Variants in CCSER1 observed in about 807,000 individuals in gnomAD.
CCSER1 encodes the protein serine-rich coiled-coil domain-containing protein 1.
CCSER1 carries 41 observed loss-of-function variants against 82.0 expected under a neutral mutation model. The observed-to-expected ratio is 0.50, with a 90% CI of 0.39 to 0.65. The LOEUF (loss-of-function observed/expected upper bound fraction) is 0.65. Ranked by LOEUF, CCSER1 falls within the 30% of genes least tolerant of loss-of-function variation. CCSER1 has a pLI of 0.00. For missense variants in CCSER1, 1,119 were observed against 1,064.2 expected, an observed-to-expected ratio of 1.05 and a Z score of -0.72; for synonymous variants, 414 against 383.9, an observed-to-expected ratio of 1.08 and a Z score of -0.92.
At chr4:91,117,187 A>G (rs1726691663) in intron 10 of CCSER1, among the ~76,000 whole-genome samples, 1 of 152,238 alleles carries the variant, frequency 6.6e-6, no homozygotes, top group African/African-American at 2.4e-5. Flanking sequence ...ATCCATTTAT[A>G]TATGTAAACC....
At chr4:90,131,220 C>T (rs1320192936) in intron 1 of CCSER1, among the ~76,000 whole-genome samples, 2 of 152,148 alleles carry the variant, frequency 1.3e-5, no homozygotes, top group African/African-American at 4.8e-5. Flanking sequence ...AGGCTGGTCT[C>T]GAACTCCGGA....
chr4:90,716,779 A>G (rs1445663271), intron 6 of CCSER1, among the ~76,000 whole-genome samples: 1 of 152,090 alleles, frequency 6.6e-6, no homozygotes, highest in Non-Finnish European at 1.5e-5. Context: ...ATGTTTGCAC[A>G]GTGACAAAAG....
At chr4:90,365,922 T>G (rs1266295598) in intron 3 of CCSER1, among the ~76,000 whole-genome samples, 1 of 151,922 alleles carries the variant, frequency 6.6e-6, no homozygotes, top group Admixed American at 6.6e-5. Context: ...TATTGTAAAA[T>G]TAATAGTATA....
At chr4:90,776,262 T>G (rs1752877813) in intron 7 of CCSER1, among the ~76,000 whole-genome samples, 1 of 152,170 alleles carries the variant, frequency 6.6e-6, no homozygotes, top group African/African-American at 2.4e-5. Context: ...CTTTTTGTTT[T>G]GACAAAGCAG....
chr4:90,720,289 G>GA (rs199943099), intron 6 of CCSER1, among the ~76,000 whole-genome samples: 43 of 122,440 alleles, frequency 3.5e-4, no homozygotes, highest in Middle Eastern at 4.2e-3. Context: ...TTGTTTTTTA[G>GA]AAAAAAAAAA....
chr4:90,469,541 A>G (rs924561177), intron 5 of CCSER1, among the ~76,000 whole-genome samples: 1 of 151,188 alleles, frequency 6.6e-6, no homozygotes, highest in Non-Finnish European at 1.5e-5. Flanking sequence ...ACACACACAC[A>G]CACACACACA....
chr4:91,007,044 T>G (rs1438493809), intron 9 of CCSER1, among the ~76,000 whole-genome samples: 2 of 152,370 alleles, frequency 1.3e-5, no homozygotes, highest in East Asian at 3.9e-4. Flanking sequence ...GTATGTTTTT[T>G]GTCCTTTATT....
intron 1 of CCSER1, among the ~76,000 whole-genome samples, chr4:90,187,358 AT>A (rs67308500): frequency 0.056 from 7,344 of 130,360 alleles, 283 homozygotes; most frequent in East Asian, 0.21. Context: ...TACAGTAGCT[AT>A]TTTTTTTTTT....
At chr4:91,019,921 A>G (rs113723564) in intron 9 of CCSER1, among the ~76,000 whole-genome samples, 3 of 152,194 alleles carry the variant, frequency 2.0e-5, no homozygotes, top group African/African-American at 7.2e-5. Context: ...GTGTACAAAT[A>G]TGCTATATTA....
chr4:91,033,996 G>A (rs984187737), intron 9 of CCSER1, among the ~76,000 whole-genome samples: 2 of 152,104 alleles, frequency 1.3e-5, no homozygotes, highest in African/African-American at 4.8e-5. Flanking sequence ...CCATCAAAGA[G>A]GAAGCACCCT....
At chr4:91,356,651 C>T (rs1160164265) in intron 10 of CCSER1, among the ~76,000 whole-genome samples, 1 of 152,168 alleles carries the variant, frequency 6.6e-6, no homozygotes, top group East Asian at 1.9e-4. Flanking sequence ...CACCACAATA[C>T]CACCACAAAT....
At chr4:90,836,082 A>G (rs28584338) in intron 8 of CCSER1, among the ~76,000 whole-genome samples, 80,458 of 151,876 alleles carry the variant, frequency 0.53, 21,479 homozygotes, top group African/African-American at 0.57. Flanking sequence ...GTTCAGACCT[A>G]GCATGAGATT....
At chr4:91,593,819 G>T (rs1262568409) in intron 10 of CCSER1, among the ~76,000 whole-genome samples, 1 of 151,842 alleles carries the variant, frequency 6.6e-6, no homozygotes, top group Non-Finnish European at 1.5e-5. Flanking sequence ...AAGTGAATGT[G>T]GTTTATTTGT....
rs1209650352 is a variant in CCSER1, at chr4:90,401,786, C to G, written c.1603+1657C>G. Among the ~76,000 whole-genome samples, 8 of 152,270 alleles carry G rather than the reference C, an allele frequency of 5.3e-5. No individual in the cohort carries two copies. The East Asian group carries it at 1.5e-3, about 29-fold the overall frequency. Reference sequence around the variant, plus strand: ...TCAAAAGATCCACTTGCCTCCGTCTCCCAAAGTGCAGGGATTACAAGTTTG... The same window carrying G: ...TCAAAAGATCCACTTGCCTCCGTCTGCCAAAGTGCAGGGATTACAAGTTTG... On this transcript the variant is annotated intron_variant, in intron 4 of 10. Transcript: ENST00000509176.
Position 90,573,275 on chromosome 4 carries a change from G to A in CCSER1, c.1725-54750G>A, listed in dbSNP as rs146183386. On this transcript the variant is annotated intron_variant, in intron 5 of 10. Transcript: ENST00000509176. ...CAGAAGCCGTGGCCTGTTACAGCAG[G>A]CATCTTTCTGGGGCAGGGCAGAAGC... Among the ~76,000 whole-genome samples the A allele has an allele frequency of 2.3e-3, 352 of 152,370 alleles. 1 individual carries two copies. Among genetic ancestry groups the A allele is most frequent in the African/African-American group, 7.7e-3 (319 of 41,586 alleles).
chr4:91,320,509 AAT>A (rs1188157448), intron 10 of CCSER1, among the ~76,000 whole-genome samples: 2 of 152,066 alleles, frequency 1.3e-5, no homozygotes, highest in Non-Finnish European at 2.9e-5. Flanking sequence ...ACACCTCAGC[AAT>A]TACCTTGCTG....
chr4:90,309,243 C>T lies in CCSER1; in HGVS notation c.959C>T (p.Ser320Phe). 6.2e-7 allele frequency: 1 copy of T among 1,613,900 alleles called. No individual in the cohort carries two copies. The highest frequency in any genetic ancestry group is 8.5e-7 in the Non-Finnish European group (1 of 1,179,834). ...GGAACTGTTCCCTGTGCAATTATGT[C>T]TCCTGGGAAATATAGGTTAGAGGGT... ...LTGTVPCAIM[S>F]PGKYRLEGQC... The change falls in exon 2 of 11, where the codon TCT (serine) becomes TTT (phenylalanine). Residue 320 changes from serine to phenylalanine, a missense_variant. Coordinates refer to ENST00000509176, the MANE Select transcript of CCSER1 (RefSeq NM_001145065.2).
rs142343973 is a variant in CCSER1 at position 91,392,363 on chromosome 4, G to GCACACACACACACACACACA, written c.2218-206201_2218-206182dup. Among the ~76,000 whole-genome samples, 6 of 148,216 alleles carry GCACACACACACACACACACA rather than the reference G, an allele frequency of 4.0e-5. No individual in the cohort carries two copies. In the South Asian group the frequency reaches 1.1e-3, roughly 26 times the overall value. On this transcript the variant is annotated intron_variant, in intron 10 of 10. Coordinates refer to ENST00000509176, the MANE Select transcript of CCSER1 (RefSeq NM_001145065.2). Reference sequence around the variant, plus strand: ...AGTTAGCAATATGAAACCTACACATGCACACACACACACACACACACACAC... The same window carrying GCACACACACACACACACACA: ...AGTTAGCAATATGAAACCTACACATGCACACACACACACACACACACACACACACACACACACACACACAC...
At chr4:90,648,284 GGAAAGAAAGAAA>G (rs564907502) in intron 6 of CCSER1, among the ~76,000 whole-genome samples, 1,649 of 89,930 alleles carry the variant, frequency 0.018, 25 homozygotes, top group African/African-American at 0.042. Context: ...GAGAAAGAAA[GGAAAGAAAGAAA>G]GAAAGAAAGA....
Sources: gnomAD v4.1 joint callset for allele counts (sites outside exome capture counted in the v4.1 genomes callset) on GRCh38, gnomAD v4.1.1 for gene constraint, MANE v1.5 for transcripts, NCBI Gene and HGNC (gene_info 2026-07-23, HGNC 2026-07-21) for gene names.